OAS2: variants seen among roughly 807,000 people sequenced by gnomAD.
The protein encoded by OAS2 is 2'-5'-oligoadenylate synthase 2.
Under a neutral mutation model 71.3 loss-of-function variants are expected in OAS2, and 67 were observed. The ratio of observed to expected loss-of-function variants is 0.94; its 90% confidence interval spans 0.77 to 1.15. The LOEUF (loss-of-function observed/expected upper bound fraction) is 1.15, where lower values mean the gene tolerates loss of function less well. Among genes scored for constraint, OAS2 ranks in the 50% most tolerant of loss-of-function variants. The pLI, the probability that OAS2 is intolerant of heterozygous loss-of-function variation, is 0.00. For synonymous variants in OAS2, 327 were observed against 321.8 expected (o/e 1.02, Z -0.17); for missense variants, 789 against 822.5 (o/e 0.96, Z 0.50).
chr12:113,004,941 C>G lies in OAS2; in HGVS notation c.1187C>G (p.Ser396Ter), dbSNP rs1056214493. 1 of 1,613,644 alleles carries G rather than the reference C, an allele frequency of 6.2e-7. No individual in the cohort carries two copies. The highest frequency in any genetic ancestry group is 1.3e-5 in the African/African-American group (1 of 74,856). ...TAKIQIVRGG[S>*]TAKGTALKTG... ...CCTTCCTTTCTTCCTTAGGGAGGAT[C>G]AACCGCCAAAGGCACAGCTCTGAAG... is the stretch of plus-strand genomic sequence containing the variant. The change falls in exon 7 of 10, where the codon TCA (serine) becomes TGA (stop). Residue 396 changes from serine to a stop codon, truncating the protein, a stop_gained. Coordinates refer to ENST00000392583, the MANE Select transcript of OAS2 (RefSeq NM_002535.3). LOFTEE classifies it high-confidence loss of function.
In OAS2 at chr12:112,987,142, A is replaced by G. The variant is rs2136379189; in HGVS notation, c.282A>G (p.Gln94=). ...AATTCCAGGATCAGAAGAGAAGCCA[A>G]CGTGACATCCTCGATAAAACTGGGG... ...LKQFQDQKRS[Q]RDILDKTGDK... The change falls in exon 2 of 10, where the codon CAA becomes CAG. Residue 94 remains glutamine, a synonymous_variant. Coordinates refer to ENST00000392583, the MANE Select transcript of OAS2 (RefSeq NM_002535.3). The G allele has an allele frequency of 5.0e-6, 8 of 1,614,208 alleles. No individual in the cohort carries two copies. Among genetic ancestry groups the G allele is most frequent in the Non-Finnish European group, 6.8e-6 (8 of 1,180,026 alleles).
At chr12:113,001,238 G>A (rs1387943821) in intron 5 of OAS2, among the ~76,000 whole-genome samples, 1 of 151,746 alleles carries the variant, frequency 6.6e-6, no homozygotes, top group Non-Finnish European at 1.5e-5. Flanking sequence ...GAGGCAGGAC[G>A]ATCACTTGAG....
chr12:113,007,902 G>C lies in OAS2; in HGVS notation c.1854G>C (p.Glu618Asp). Residue 618 changes from glutamate to aspartate, a missense_variant, in exon 9 of 10, where the codon GAG (glutamate) becomes GAC (aspartate). Transcript: ENST00000392583. ...AGGTCAATTACAACTTTGAAGATGA[G>C]ACCGTGAGGAAGTTTCTACTGAGCC... is the stretch of plus-strand genomic sequence containing the variant. ...FWKVNYNFED[E>D]TVRKFLLSQL... The C allele has an allele frequency of 1.2e-6, 2 of 1,614,136 alleles. No homozygotes were observed. Among genetic ancestry groups the C allele is most frequent in the Non-Finnish European group, 1.7e-6 (2 of 1,179,998 alleles).
chr12:113,002,811 A>C (rs973879418), intron 5 of OAS2, 121 bp from the exon 6 acceptor site: 7 of 799,904 alleles, frequency 8.8e-6, no homozygotes, highest in Non-Finnish European at 1.4e-5. Flanking sequence ...AAAAGATGCC[A>C]GCCCACGAGC....
chr12:112,987,535 T>C, intron 2 of OAS2: 1 of 1,411,484 alleles, frequency 7.1e-7, no homozygotes, highest in South Asian at 1.8e-5. Context: ...TTCTGGATTC[T>C]AGAATCTAAG....
At position 113,009,658 on chromosome 12, in the gene OAS2, T is replaced by C; in HGVS notation, c.*403T>C. Reference sequence around the variant, plus strand: ...GTGCCTCCAGATGGCAGGTTTGCAATCCAAGCAGGAAGAAGGAAAAGATAC... The same window carrying C: ...GTGCCTCCAGATGGCAGGTTTGCAACCCAAGCAGGAAGAAGGAAAAGATAC... On this transcript the variant is annotated 3_prime_UTR_variant, in exon 10 of 10. Transcript: ENST00000392583. 1 of 991,678 alleles carries C rather than the reference T, an allele frequency of 1.0e-6. No homozygotes were observed. The allele number at this position is 991,678 out of a possible 1,614,324, so 61.4% of individuals were successfully genotyped here. A position where few individuals can be genotyped will look rare whatever the true frequency, so the allele number is the denominator to read the frequency against.
chr12:113,004,293 C>G (rs1263120076), intron 6 of OAS2, among the ~76,000 whole-genome samples: 1 of 152,134 alleles, frequency 6.6e-6, no homozygotes, highest in African/African-American at 2.4e-5. Context: ...CTTTCCTCAC[C>G]TCCTTAACCC....
intron 3 of OAS2, 62 bp downstream of exon 3, chr12:112,995,536 A>T: frequency 6.7e-7 from 1 of 1,484,802 alleles, no homozygotes; most frequent in Non-Finnish European, 9.2e-7. Context: ...GATAATTGAC[A>T]TCCAGTAAAG....
In OAS2 at chr12:112,987,400, C is replaced by A. The variant is rs745836782; in HGVS notation, c.448+92C>A. On this transcript the variant is annotated intron_variant, in intron 2 of 9. Transcript: ENST00000392583. The stretch of plus-strand genomic sequence containing the variant: ...TCTAGGCCATGAGTGGGATAGATAC[C>A]ACTGCTGCTTTAAAAAATGGGAGAC... 5.9e-6 allele frequency: 9 copies of A among 1,531,184 alleles called. No individual in the cohort carries two copies. In the Admixed American group the frequency reaches 2.0e-4, roughly 33 times the overall value. The allele number at this position is 1,531,184 out of a possible 1,614,324, so 94.8% of individuals were successfully genotyped here. A position where few individuals can be genotyped will look rare whatever the true frequency, so the allele number is the denominator to read the frequency against.
In OAS2 at chr12:113,003,005, G is replaced by A. The variant is rs2044302782; in HGVS notation, c.1082G>A (p.Cys361Tyr). The change falls in exon 6 of 10, where the codon TGC (cysteine) becomes TAC (tyrosine). Residue 361 changes from cysteine (C) to tyrosine (Y), a missense_variant. Coordinates refer to ENST00000392583, the MANE Select transcript of OAS2 (RefSeq NM_002535.3). The part of the protein sequence containing the change: ...FIKEFLQPNK[C>Y]FLEQIDSAVN... ...AAGGAGTTTCTCCAGCCCAACAAAT[G>A]CTTCCTAGAGCAGATTGACAGTGCT... is the stretch of plus-strand genomic sequence containing the variant. The A allele has an allele frequency of 6.2e-7, 1 of 1,613,982 alleles. No individual in the cohort carries two copies. Among genetic ancestry groups the A allele is most frequent in the Non-Finnish European group, 8.5e-7 (1 of 1,180,006 alleles).
At chr12:112,983,728 C>T (rs537176848) in intron 1 of OAS2, among the ~76,000 whole-genome samples, 5 of 152,216 alleles carry the variant, frequency 3.3e-5, no homozygotes, top group South Asian at 2.1e-4. Context: ...TGTCCAGGAG[C>T]GTGTTGTTTA....
At chr12:112,991,919 T>G (rs2044196090) in intron 2 of OAS2, among the ~76,000 whole-genome samples, 1 of 152,060 alleles carries the variant, frequency 6.6e-6, no homozygotes, top group African/African-American at 2.4e-5. Context: ...TAGTTGTTGG[T>G]TGGATGGATG....
At chr12:113,008,730 G>A (rs1018250302) in intron 9 of OAS2, among the ~76,000 whole-genome samples, 1 of 152,100 alleles carries the variant, frequency 6.6e-6, no homozygotes, top group Non-Finnish European at 1.5e-5. Flanking sequence ...GGTTCAAGCT[G>A]GTTCTCCTGC....
chr12:112,989,984 C>T (rs1057341074), intron 2 of OAS2, among the ~76,000 whole-genome samples: 4 of 152,186 alleles, frequency 2.6e-5, no homozygotes, highest in Admixed American at 1.3e-4. Flanking sequence ...CCCTAGTCAA[C>T]GTCACCACCA....
chr12:112,980,035 T>C (rs2044065877), intron 1 of OAS2, among the ~76,000 whole-genome samples: 1 of 152,220 alleles, frequency 6.6e-6, no homozygotes, highest in African/African-American at 2.4e-5. Context: ...ATGAAATTTA[T>C]GTTGTGGGGT....
rs1217014281 is a variant in OAS2, at chr12:113,006,178, AGTTT to A, written c.1469-234_1469-231del. 4.6e-5 allele frequency among the ~76,000 whole-genome samples: 7 copies of A among 152,258 alleles called. 1 individual carries two copies. The South Asian group carries it at 6.2e-4, about 14-fold the overall frequency. On this transcript the variant is annotated intron_variant, in intron 7 of 9. Transcript: ENST00000392583. ...CCACATTGCTGGTGGCTGCTCTGTT[AGTTT>A]AAGTCTAGATAATACTTTAATAATA...
chr12:113,001,575 T>C (rs1297295998), intron 5 of OAS2, among the ~76,000 whole-genome samples: 2 of 150,114 alleles, frequency 1.3e-5, no homozygotes, highest in Non-Finnish European at 3.0e-5. Context: ...CTCCTTGAGG[T>C]TGTCCAAATT....
intron 7 of OAS2, among the ~76,000 whole-genome samples, chr12:113,005,698 C>G (rs1294978784): frequency 1.5e-5 from 2 of 137,706 alleles, no homozygotes; most frequent in Admixed American, 7.6e-5. Context: ...GAGACTTCAT[C>G]CCAAAAATAA....
intron 9 of OAS2, 101 bp downstream of exon 9, chr12:113,008,044 C>A: frequency 1.2e-6 from 1 of 842,320 alleles, no homozygotes. Context: ...TCATTCCTTG[C>A]ATGACGGGGG....
Sources: allele counts gnomAD v4.1 joint callset (sites outside exome capture counted in the v4.1 genomes callset), GRCh38; gene constraint gnomAD v4.1.1; transcripts MANE v1.5; gene names NCBI Gene and HGNC (gene_info 2026-07-23, HGNC 2026-07-21).